The following BCHE variants were observed in gnomAD, a reference collection of about 807,000 sequenced individuals.
The protein encoded by BCHE is cholinesterase.
Under a neutral mutation model 51.3 loss-of-function variants are expected in BCHE, and 48 were observed. The ratio of observed to expected loss-of-function variants is 0.94; its 90% CI spans 0.74 to 1.19. The LOEUF (loss-of-function observed/expected upper bound fraction) is 1.19. Among genes scored for constraint, BCHE ranks in the 50% most tolerant of loss-of-function variants. The pLI is 0.00. For synonymous variants in BCHE, 251 were observed against 238.0 expected (o/e 1.05, Z -0.50); for missense variants, 847 against 708.2 (o/e 1.20, Z -2.23).
intron 2 of BCHE, among the ~76,000 whole-genome samples, chr3:165,799,582 A>G (rs1713560682): frequency 6.6e-6 from 1 of 152,124 alleles, no homozygotes; most frequent in African/African-American, 2.4e-5. Context: ...GACAGCAATG[A>G]CACTGTTTAT....
intron 3 of BCHE, among the ~76,000 whole-genome samples, chr3:165,777,472 G>T (rs1000097292): frequency 3.9e-5 from 6 of 152,006 alleles, no homozygotes; most frequent in Admixed American, 1.3e-4. Flanking sequence ...AAAAATTTAT[G>T]TCAAGATTTC....
At chr3:165,779,132 G>A (rs560044068) in intron 3 of BCHE, among the ~76,000 whole-genome samples, 9 of 152,138 alleles carry the variant, frequency 5.9e-5, no homozygotes, top group South Asian at 2.1e-4. Flanking sequence ...TATTAATCTC[G>A]TACTACGGAT....
At position 165,829,669 on chromosome 3, in the gene BCHE, T is replaced by G; in HGVS notation, c.1365A>C (p.Lys455Asn). Reference sequence around the variant, plus strand: ...CTCCCATCCATTCTGGCCACGGAAGTTTGGAGGATCGGTGTTCAAAATAGT... The same window carrying G: ...CTCCCATCCATTCTGGCCACGGAAGGTTGGAGGATCGGTGTTCAAAATAGT... The part of the protein sequence containing the change: ...FFYYFEHRSS[K>N]LPWPEWMGVM... The change falls in exon 2 of 4, where the codon AAA becomes AAC. Residue 455 changes from lysine to asparagine, a missense_variant. Transcript: ENST00000264381. 6.2e-7 allele frequency: 1 copy of G among 1,613,916 alleles called. No individual in the cohort carries two copies. Among genetic ancestry groups the G allele is most frequent in the Middle Eastern group, 1.6e-4 (1 of 6,062 alleles).
intron 2 of BCHE, among the ~76,000 whole-genome samples, chr3:165,827,716 A>G (rs1403973339): frequency 2.0e-5 from 3 of 152,124 alleles, no homozygotes; most frequent in African/African-American, 4.8e-5. Context: ...AATTAAAAAC[A>G]TATATAAATG....
intron 2 of BCHE, among the ~76,000 whole-genome samples, chr3:165,809,448 CT>C (rs1427192237): frequency 1.3e-5 from 2 of 151,948 alleles, no homozygotes; most frequent in Non-Finnish European, 2.9e-5. Flanking sequence ...TTATTGTATA[CT>C]TTTAATGTTT....
In BCHE at chr3:165,830,596, A is replaced by C; in HGVS notation, c.438T>G (p.Phe146Leu). The C allele has an allele frequency of 6.2e-7, 1 of 1,614,042 alleles. No homozygotes were observed. Residue 146 changes from phenylalanine to leucine, a missense_variant, in exon 2 of 4, where the codon TTT (phenylalanine) becomes TTG (leucine). By Grantham distance (22) the Phe-to-Leu change is conservative. Transcript: ENST00000264381. ...CATGTAAAGATGATGTTCCAGTTTG[A>C]AAACCACCACCATAAATCCATATCA... ...TVLIWIYGGG[F>L]QTGTSSLHVY...
At chr3:165,827,977 G>T (rs1290284321) in intron 2 of BCHE, 4 of 449,066 alleles carry the variant, frequency 8.9e-6, no homozygotes, top group Admixed American at 2.4e-5. Flanking sequence ...TGTTAAATAT[G>T]ATACATACCC....
In BCHE at chr3:165,830,567, T is replaced by G. The variant is rs121918558; in HGVS notation, c.467A>C (p.Tyr156Ser). Residue 156 changes from tyrosine to serine, a missense_variant, in exon 2 of 4, where the codon TAT (tyrosine) becomes TCT (serine). Coordinates refer to ENST00000264381, the MANE Select transcript of BCHE (RefSeq NM_000055.4). ...FQTGTSSLHV[Y>S]DGKFLARVER... is the part of the protein sequence containing the mutation. The stretch of plus-strand genomic sequence containing the variant: ...AACCCGAGCCAGAAACTTGCCATCA[T>G]AAACATGTAAAGATGATGTTCCAGT... 1.9e-6 allele frequency: 3 copies of G among 1,613,888 alleles called. No individual in the cohort carries two copies. The highest frequency in any genetic ancestry group is 2.5e-6 in the Non-Finnish European group (3 of 1,179,960).
At chr3:165,795,477 G>T (rs968804491) in intron 2 of BCHE, among the ~76,000 whole-genome samples, 1 of 152,186 alleles carries the variant, frequency 6.6e-6, no homozygotes, top group Non-Finnish European at 1.5e-5. Flanking sequence ...TAATGCAGCT[G>T]TGCATAGAGA....
chr3:165,804,461 A>G (rs1365799471), intron 2 of BCHE, among the ~76,000 whole-genome samples: 1 of 152,198 alleles, frequency 6.6e-6, no homozygotes, highest in Non-Finnish European at 1.5e-5. Flanking sequence ...TTTTAGAACT[A>G]AAGTCTTGCA....
At chr3:165,785,558 CTAAA>C (rs940744381) in intron 3 of BCHE, among the ~76,000 whole-genome samples, 86 of 151,384 alleles carry the variant, frequency 5.7e-4, no homozygotes, top group Middle Eastern at 3.4e-3. Context: ...GACTAGTTAA[CTAAA>C]TAACTATTTG....
At chr3:165,816,015 TC>T (rs1318641323) in intron 2 of BCHE, among the ~76,000 whole-genome samples, 1 of 151,908 alleles carries the variant, frequency 6.6e-6, no homozygotes, top group Non-Finnish European at 1.5e-5. Flanking sequence ...GATTTGTCTT[TC>T]ATCAAAAAAA....
intron 2 of BCHE, among the ~76,000 whole-genome samples, chr3:165,804,749 T>A (rs1467191070): frequency 6.6e-6 from 1 of 152,180 alleles, no homozygotes; most frequent in African/African-American, 2.4e-5. Flanking sequence ...AGGAATAAAT[T>A]GGCTAGAGAC....
At chr3:165,806,006 G>A (rs908557893) in intron 2 of BCHE, among the ~76,000 whole-genome samples, 1 of 151,880 alleles carries the variant, frequency 6.6e-6, no homozygotes, top group Non-Finnish European at 1.5e-5. Context: ...TTGTATTGCT[G>A]CCCTGGAACA....
Position 165,786,303 on chromosome 3 carries a change from T to C in BCHE, c.1526A>G (p.Asn509Ser), listed in dbSNP as rs1269694278. 4 of 1,610,298 alleles carry C rather than the reference T, an allele frequency of 2.5e-6. No homozygotes were observed. The South Asian group carries it at 3.3e-5, about 13-fold the overall frequency. ...GCTTGTGCTATTGTTCTGAGTCTCA[T>C]TTGGATTCCTAAATAATAAAATAGA... ...WANFAKYGNP[N>S]ETQNNSTSWP... Residue 509 changes from asparagine (N) to serine (S), a missense_variant, in exon 3 of 4, where the codon AAT becomes AGT. Asn to Ser is a conservative substitution (Grantham distance 46). Transcript: ENST00000264381.
intron 2 of BCHE, among the ~76,000 whole-genome samples, chr3:165,793,627 A>G (rs1392161899): frequency 6.6e-6 from 1 of 152,224 alleles, no homozygotes; most frequent in Non-Finnish European, 1.5e-5. Context: ...CACATGGAAA[A>G]TAGTTCACAA....
At position 165,829,780 on chromosome 3, in the gene BCHE, A is replaced by G. The variant is rs1277474478; in HGVS notation, c.1254T>C (p.Gly418=). 3.1e-6 allele frequency: 5 copies of G among 1,613,584 alleles called. No homozygotes were observed. The highest frequency in any genetic ancestry group is 2.5e-6 in the Non-Finnish European group (3 of 1,179,834). Residue 418 remains glycine, a synonymous_variant, in exon 2 of 4, where the codon GGT becomes GGC. Transcript: ENST00000264381. ...TGAAATTATAATCCCCAACAACATC[A>G]CCCAAGGCCTCACGGTAGTTTTCAG... The part of the protein sequence containing the change: ...QRPENYREAL[G]DVVGDYNFIC...
chr3:165,803,854 TAGGA>T (rs2108216089), intron 2 of BCHE, among the ~76,000 whole-genome samples: 1 of 152,308 alleles, frequency 6.6e-6, no homozygotes, highest in East Asian at 1.9e-4. Context: ...CACAGGGGTT[TAGGA>T]AGAGACCTGG....
intron 2 of BCHE, among the ~76,000 whole-genome samples, chr3:165,791,854 A>C (rs1312513356): frequency 1.3e-5 from 2 of 152,134 alleles, no homozygotes; most frequent in Non-Finnish European, 1.5e-5. Context: ...AGGCTGAGGC[A>C]GGAGAATGGC....
Sources: allele counts gnomAD v4.1 joint callset (sites outside exome capture counted in the v4.1 genomes callset), GRCh38; gene constraint gnomAD v4.1.1; transcripts MANE v1.5; gene names NCBI Gene and HGNC (gene_info 2026-07-23, HGNC 2026-07-21).